Variants in AP3B1 observed in about 807,000 individuals in gnomAD.
AP3B1 encodes AP-3 complex subunit beta-1.
AP3B1 carries 61 observed loss-of-function variants against 132.5 expected under a neutral mutation model. That is an observed-to-expected ratio of 0.46 (90% CI 0.37 to 0.57). The LOEUF is 0.57. Ranked by LOEUF, AP3B1 falls within the 20% of genes least tolerant of loss-of-function variation. The pLI, the probability that AP3B1 is intolerant of heterozygous loss-of-function variation, is 0.00. For synonymous variants in AP3B1, 388 were observed against 438.3 expected (o/e 0.89, Z 1.43); for missense variants, 1,120 against 1,289.4 (o/e 0.87, Z 2.01).
Position 78,169,758 on chromosome 5 carries a change from T to A in AP3B1, c.1168-4086A>T, listed in dbSNP as rs181902904. Among the ~76,000 whole-genome samples, 299 of 151,818 alleles carry A rather than the reference T, an allele frequency of 2.0e-3. 1 individual carries two copies. The highest frequency in any genetic ancestry group is 6.3e-3 in the African/African-American group (260 of 41,450). Reference sequence around the variant, plus strand: ...GTTTATTTATTTATTTATTTATTTATTTATTTATATTATTATACATTAAGT... The same window carrying A: ...GTTTATTTATTTATTTATTTATTTAATTATTTATATTATTATACATTAAGT... On this transcript the variant is annotated intron_variant, in intron 11 of 26. Transcript: ENST00000255194.
Position 78,129,115 on chromosome 5 carries a change from T to C in AP3B1, c.1837+6A>G. ...CATATATTTTGGAGTTATATTCTGA[T>C]AATACCTTTAAAAGGAGACTCAAGC... is the stretch of plus-strand genomic sequence containing the variant. On this transcript the variant is annotated splice_donor_region_variant and intron_variant, in intron 16 of 26. Coordinates refer to ENST00000255194, the MANE Select transcript of AP3B1 (RefSeq NM_003664.5). 1.2e-6 allele frequency: 2 copies of C among 1,610,072 alleles called. No homozygotes were observed. The highest frequency in any genetic ancestry group is 1.7e-6 in the Non-Finnish European group (2 of 1,177,858).
In AP3B1 at chr5:78,015,513, T is replaced by C. The variant is rs1477333254; in HGVS notation, c.3028A>G (p.Ile1010Val). 2 of 1,612,818 alleles carry C rather than the reference T, an allele frequency of 1.2e-6. No homozygotes were observed. Among genetic ancestry groups the C allele is most frequent in the Admixed American group, 1.7e-5 (1 of 60,004 alleles). ...GTGAAATTCTGTGGTGCAGCAATGATTACAGCAGAAGTTTCATTCATTCCT... is the reference window on the plus strand; with the variant it reads ...GTGAAATTCTGTGGTGCAGCAATGACTACAGCAGAAGTTTCATTCATTCCT... ...LTGMNETSAV[I>V]IAAPQNFTPS... The change falls in exon 26 of 27, where the codon ATC (isoleucine) becomes GTC (valine). Residue 1010 changes from isoleucine to valine, a missense_variant. Ile to Val is a conservative substitution (Grantham distance 29, BLOSUM62 3). Coordinates refer to ENST00000255194, the MANE Select transcript of AP3B1 (RefSeq NM_003664.5).
intron 1 of AP3B1, among the ~76,000 whole-genome samples, chr5:78,273,264 G>C (rs995407506): frequency 6.6e-5 from 10 of 152,078 alleles, no homozygotes; most frequent in African/African-American, 2.2e-4. Flanking sequence ...AAGTAGCCAG[G>C]TGTGGTGACA....
At chr5:78,086,776 C>T (rs1750275061) in intron 22 of AP3B1, among the ~76,000 whole-genome samples, 1 of 152,122 alleles carries the variant, frequency 6.6e-6, no homozygotes, top group South Asian at 2.1e-4. Context: ...TCTCATTAGA[C>T]ACGTTAAACA....
Position 78,294,185 on chromosome 5 carries a change from G to C in AP3B1, c.128+267C>G, listed in dbSNP as rs7722658. ...AAGTCCAATTCAATCAGTGTCTTCAGGGGTGGGATCTAAGCTCACCAAGTG... is the reference window on the plus strand; with the variant it reads ...AAGTCCAATTCAATCAGTGTCTTCACGGGTGGGATCTAAGCTCACCAAGTG... On this transcript the variant is annotated intron_variant, in intron 1 of 26. Coordinates refer to ENST00000255194, the MANE Select transcript of AP3B1 (RefSeq NM_003664.5). 0.22 allele frequency among the ~76,000 whole-genome samples: 32,799 copies of C among 152,144 alleles called. 4,398 individuals carry two copies. Among genetic ancestry groups the C allele is most frequent in the Middle Eastern group, 0.31 (90 of 294 alleles).
At chr5:78,255,486 A>G (rs72778207) in intron 2 of AP3B1, among the ~76,000 whole-genome samples, 3,199 of 152,254 alleles carry the variant, frequency 0.021, 37 homozygotes, top group Middle Eastern at 0.034. Flanking sequence ...GACAAAAACT[A>G]TAAGAAGAGA....
Position 78,181,752 on chromosome 5 carries a change from T to TA in AP3B1, c.787-91dup, listed in dbSNP as rs375404267. 2.5e-4 allele frequency: 281 copies of TA among 1,122,344 alleles called. No individual in the cohort carries two copies. In the African/African-American group the frequency reaches 4.0e-3, roughly 16 times the overall value. The allele number at this position is 1,122,344 out of a possible 1,614,324, so 69.5% of individuals were successfully genotyped here. A position where few individuals can be genotyped will look rare whatever the true frequency, so the allele number is the denominator to read the frequency against. ...CAAAGAAAACTTTCCTTTAAACATCTATAACAACATTTTACCGTAGAATAC... is the reference window on the plus strand; with the variant it reads ...CAAAGAAAACTTTCCTTTAAACATCTAATAACAACATTTTACCGTAGAATAC... On this transcript the variant is annotated intron_variant, in intron 7 of 26. Transcript: ENST00000255194.
chr5:78,034,992 G>A (rs955879306), intron 23 of AP3B1, among the ~76,000 whole-genome samples: 1 of 151,856 alleles, frequency 6.6e-6, no homozygotes, highest in African/African-American at 2.4e-5. Context: ...AAACCAAAAT[G>A]TTAAGTCTAA....
At chr5:78,237,105 G>A in intron 3 of AP3B1, among the ~76,000 whole-genome samples, 1 of 152,096 alleles carries the variant, frequency 6.6e-6, no homozygotes, top group East Asian at 1.9e-4. Flanking sequence ...TTTGATTTTG[G>A]CTTATCCAAC....
chr5:78,204,656 G>A (rs543611248), intron 7 of AP3B1, among the ~76,000 whole-genome samples: 1 of 152,144 alleles, frequency 6.6e-6, no homozygotes, highest in Non-Finnish European at 1.5e-5. Context: ...TTGTTCTGAG[G>A]GAGTTATGAT....
chr5:78,212,788 A>G (rs1268052480), intron 7 of AP3B1, among the ~76,000 whole-genome samples: 2 of 152,350 alleles, frequency 1.3e-5, no homozygotes, highest in African/African-American at 2.4e-5. Context: ...ACATCACATA[A>G]GAAAGAGCAA....
At chr5:78,111,588 T>C (rs1482269344) in intron 19 of AP3B1, among the ~76,000 whole-genome samples, 3 of 152,074 alleles carry the variant, frequency 2.0e-5, no homozygotes, top group Non-Finnish European at 4.4e-5. Flanking sequence ...AGCCAAGATA[T>C]AGGAGTAAGG....
rs139210717 is a variant in AP3B1 at position 78,089,439 on chromosome 5, G to A, written c.2531C>T (p.Ala844Val). ...PTPALSPSLM[A>V]DLEGLHLSTS... ...TGACAAGTGTAAACCTTCAAGATCA[G>A]CCATCAAACTTGGAGAAAGAGCTGG... is the stretch of plus-strand genomic sequence containing the variant. The change falls in exon 22 of 27, where the codon GCT becomes GTT. Residue 844 changes from alanine to valine, a missense_variant. Physicochemically the swap from Ala to Val is moderately conservative, Grantham distance 64. Coordinates refer to ENST00000255194, the MANE Select transcript of AP3B1 (RefSeq NM_003664.5). The A allele has an allele frequency of 1.3e-5, 21 of 1,613,382 alleles. No homozygotes were observed. In the African/African-American group the frequency reaches 2.1e-4, roughly 16 times the overall value.
At chr5:78,293,243 T>C (rs571460066) in intron 1 of AP3B1, among the ~76,000 whole-genome samples, 15 of 152,316 alleles carry the variant, frequency 9.8e-5, no homozygotes, top group Admixed American at 2.6e-4. Flanking sequence ...AGTAAATTAA[T>C]TTGCGAAACA....
intron 7 of AP3B1, among the ~76,000 whole-genome samples, chr5:78,214,308 AAACTT>A (rs1561481482): frequency 6.6e-6 from 1 of 152,214 alleles, no homozygotes; most frequent in Non-Finnish European, 1.5e-5. Flanking sequence ...TGATGGTGTA[AAACTT>A]AACTTTCCTT....
intron 7 of AP3B1, among the ~76,000 whole-genome samples, chr5:78,214,456 A>ATATAGCAGG (rs1446225511): frequency 2.0e-5 from 3 of 152,226 alleles, no homozygotes; most frequent in African/African-American, 7.2e-5. Context: ...TATGGTAAGT[A>ATATAGCAGG]CACTATATAT....
intron 17 of AP3B1, among the ~76,000 whole-genome samples, chr5:78,122,267 T>C (rs1409572895): frequency 6.6e-6 from 1 of 152,220 alleles, no homozygotes; most frequent in East Asian, 1.9e-4. Context: ...ACTGGAAGCA[T>C]TCCCTTTGAA....
chr5:78,108,974 A>C (rs1244391748), intron 20 of AP3B1, among the ~76,000 whole-genome samples: 1 of 151,894 alleles, frequency 6.6e-6, no homozygotes, highest in Non-Finnish European at 1.5e-5. Flanking sequence ...AATACTTCTT[A>C]CTCTGGGTTG....
chr5:78,140,158 A>C (rs1753085237), intron 15 of AP3B1, among the ~76,000 whole-genome samples: 1 of 152,186 alleles, frequency 6.6e-6, no homozygotes, highest in Admixed American at 6.5e-5. Flanking sequence ...GGAAGCAAAA[A>C]TGATTCCTCT....
Sources: allele counts gnomAD v4.1 joint callset (sites outside exome capture counted in the v4.1 genomes callset), GRCh38; gene constraint gnomAD v4.1.1; transcripts MANE v1.5; gene names NCBI Gene and HGNC (gene_info 2026-07-23, HGNC 2026-07-21).